The following CD101 variants were observed in gnomAD, a reference collection of about 807,000 sequenced individuals.
The protein encoded by CD101 is CD101 molecule.
A neutral mutation model predicts 98.2 loss-of-function variants in CD101; 76 were observed. The ratio of observed to expected loss-of-function variants is 0.77; its 90% CI spans 0.64 to 0.94. The LOEUF is 0.94. Ranked by LOEUF, CD101 falls within the 40% of genes least tolerant of loss-of-function variation. The pLI, the probability that CD101 is intolerant of heterozygous loss-of-function variation, is 0.00. For synonymous variants in CD101, 471 were observed against 472.7 expected (o/e 1.00, Z 0.05); for missense variants, 1,145 against 1,218.8 (o/e 0.94, Z 0.90).
intron 6 of CD101, among the ~76,000 whole-genome samples, chr1:117,020,198 A>T (rs1408963743): frequency 6.6e-6 from 1 of 152,106 alleles, no homozygotes; most frequent in Non-Finnish European, 1.5e-5. Context: ...CTGTGTGCTC[A>T]GATAGGCACT....
intron 8 of CD101, among the ~76,000 whole-genome samples, chr1:117,028,767 G>A (rs1287113123): frequency 1.3e-5 from 2 of 152,124 alleles, no homozygotes; most frequent in Non-Finnish European, 2.9e-5. Context: ...TAAGATAACA[G>A]TGGGAAAGTA....
rs1654588386 is a variant in CD101 at position 117,033,416 on chromosome 1, G to T, written c.2825-444G>T. Among the ~76,000 whole-genome samples, 1 of 152,154 alleles carries T rather than the reference G, an allele frequency of 6.6e-6. No individual in the cohort carries two copies. The highest frequency in any genetic ancestry group is 2.4e-5 in the African/African-American group (1 of 41,428). Reference sequence around the variant, plus strand: ...GCAGAGTGCAGGGCAGAGTGTGTGTGTATGTGTGTGTGAGAAAGAGTGTGT... The same window carrying T: ...GCAGAGTGCAGGGCAGAGTGTGTGTTTATGTGTGTGTGAGAAAGAGTGTGT... On this transcript the variant is annotated intron_variant, in intron 8 of 9. Transcript: ENST00000682167. The surrounding 1 kb of genome is among the most constrained non-coding windows in gnomAD (Gnocchi z 4.8).
rs1557774389 is a variant in CD101 at position 117,022,086 on chromosome 1, C to T, written c.2428+103C>T. 1.2e-5 allele frequency: 16 copies of T among 1,280,732 alleles called. No homozygotes were observed. The highest frequency in any genetic ancestry group is 1.9e-4 in the Middle Eastern group (1 of 5,164). 79.3% of individuals were successfully genotyped at this position (1,280,732 alleles called of 1,614,324 possible). A position where few individuals can be genotyped will look rare whatever the true frequency, so the allele number is the denominator to read the frequency against. On this transcript the variant is annotated intron_variant, in intron 7 of 9. Coordinates refer to ENST00000682167, the MANE Select transcript of CD101 (RefSeq NM_001256106.3). The surrounding 1 kb of genome is among the most constrained non-coding windows in gnomAD (Gnocchi z 4.8). ...GATTATGTGGAAGTAAAAATATGACCTAAAGTCATAGGAACAGTATCTACC... is the reference window on the plus strand; with the variant it reads ...GATTATGTGGAAGTAAAAATATGACTTAAAGTCATAGGAACAGTATCTACC...
At position 117,017,173 on chromosome 1, in the gene CD101, G is replaced by A. The variant is rs773613431; in HGVS notation, c.1312G>A (p.Gly438Arg). 3.1e-6 allele frequency: 5 copies of A among 1,614,248 alleles called. No homozygotes were observed. The Admixed American group carries it at 6.7e-5, about 22-fold the overall frequency. ...ETLAFLCKAG[G>R]AESPLSVSWW... ...ACTCGCCTTTCTCTGTAAGGCTGGT[G>A]GAGCTGAAAGTCCCCTGTCTGTGAG... The change falls in exon 5 of 10, where the codon GGA becomes AGA. Residue 438 changes from glycine to arginine, a missense_variant. Transcript: ENST00000682167.
In CD101 at chr1:117,027,746, G is replaced by C. The variant is rs1654034326; in HGVS notation, c.2824+1842G>C. On this transcript the variant is annotated intron_variant, in intron 8 of 9. Transcript: ENST00000682167. ...GTGTCATTGAAAAAGTTTAAGCAGG[G>C]GAGTGACATGATCAGATTTTCCTTT... Among the ~76,000 whole-genome samples, 4 of 152,118 alleles carry C rather than the reference G, an allele frequency of 2.6e-5. 1 individual carries two copies. Among genetic ancestry groups the C allele is most frequent in the African/African-American group, 4.8e-5 (2 of 41,406 alleles).
chr1:117,009,811 A>T lies in CD101; in HGVS notation c.44-39A>T, dbSNP rs748419971. On this transcript the variant is annotated intron_variant, in intron 1 of 9. Coordinates refer to ENST00000682167, the MANE Select transcript of CD101 (RefSeq NM_001256106.3). ...GTGGTACACTGGGAACTGGAACACT[A>T]ATCTCTTTTTATTCCCCTTTCTTTC... The T allele has an allele frequency of 3.2e-6, 5 of 1,552,072 alleles. No individual in the cohort carries two copies. In the East Asian group the frequency reaches 1.1e-4, roughly 35 times the overall value.
intron 8 of CD101, chr1:117,032,179 A>G (rs557949590): frequency 1.1e-4 from 17 of 152,388 alleles, no homozygotes; most frequent in African/African-American, 4.1e-4. Flanking sequence ...AATCCAGGCC[A>G]TGAACCTCTG....
In CD101 at chr1:117,004,658, T is replaced by C. The variant is rs144530370; in HGVS notation, c.43+2798T>C. Among the ~76,000 whole-genome samples the C allele has an allele frequency of 2.0e-3, 300 of 152,266 alleles. No homozygotes were observed. The highest frequency in any genetic ancestry group is 6.8e-3 in the Middle Eastern group (2 of 294). On this transcript the variant is annotated intron_variant, in intron 1 of 9. Transcript: ENST00000682167. The surrounding 1 kb of genome is among the most constrained non-coding windows in gnomAD (Gnocchi z 4.1). ...GGTGTTTTTCGGAGGGTGGATGATA[T>C]GTACTTGAAAAAACCCAGAGAGAAT...
chr1:117,029,321 G>T (rs745801932), intron 8 of CD101, among the ~76,000 whole-genome samples: 1 of 152,112 alleles, frequency 6.6e-6, no homozygotes, highest in Non-Finnish European at 1.5e-5. Context: ...AAAGAAGAAA[G>T]AAAGAAAGAA....
At chr1:117,035,116 CT>C (rs1233838539) in intron 9 of CD101, among the ~76,000 whole-genome samples, 2 of 152,124 alleles carry the variant, frequency 1.3e-5, no homozygotes, top group Non-Finnish European at 2.9e-5. Flanking sequence ...TGGCTTAAAG[CT>C]TTCAACAGCT....
chr1:117,003,942 A>T (rs75378515), intron 1 of CD101, among the ~76,000 whole-genome samples: 10,770 of 152,308 alleles, frequency 0.071, 430 homozygotes, highest in Non-Finnish European at 0.084. Context: ...CGATCTATTG[A>T]TCAATTACAT....
At chr1:117,009,422 C>T (rs1652742157) in intron 1 of CD101, among the ~76,000 whole-genome samples, 1 of 152,256 alleles carries the variant, frequency 6.6e-6, no homozygotes, top group South Asian at 2.1e-4. Flanking sequence ...CTAGACTTTG[C>T]GTCTCCAGCA....
intron 8 of CD101, among the ~76,000 whole-genome samples, chr1:117,029,272 AGAG>A (rs938934971): frequency 5.5e-5 from 8 of 145,298 alleles, no homozygotes; most frequent in Admixed American, 4.8e-4. Context: ...AAAGAAAGAA[AGAG>A]TAGATACGGT....
chr1:117,013,773 G>T lies in CD101; in HGVS notation c.1209G>T (p.Val403=), dbSNP rs373774528. ...LQRKQSPDSH[V]HLRKPAARSV... ...GAAAGCAGTCACCAGACAGCCACGT[G>T]CACCTGAGGAAGCCAGCAGGTACGT... Residue 403 remains valine (V), a synonymous_variant, in exon 4 of 10, where the codon GTG becomes GTT. Transcript: ENST00000682167. 4 of 1,611,882 alleles carry T rather than the reference G, an allele frequency of 2.5e-6. No individual in the cohort carries two copies. In the African/African-American group the frequency reaches 5.3e-5, roughly 22 times the overall value.
intron 8 of CD101, among the ~76,000 whole-genome samples, chr1:117,031,651 GC>G (rs1246027283): frequency 6.6e-6 from 1 of 152,146 alleles, no homozygotes; most frequent in Non-Finnish European, 1.5e-5. Context: ...TTTCTCAGTA[GC>G]ATTCTAGCTA....
intron 1 of CD101, 118 bp downstream of exon 1, chr1:117,001,978 T>G: frequency 1.1e-6 from 1 of 931,280 alleles, no homozygotes; most frequent in East Asian, 2.6e-5. Context: ...ATATTTCTGA[T>G]GTTAGCAATA....
At chr1:117,024,472 G>A (rs758386678) in intron 7 of CD101, among the ~76,000 whole-genome samples, 8 of 147,706 alleles carry the variant, frequency 5.4e-5, no homozygotes, top group South Asian at 2.2e-4. Context: ...GCGAGACTCC[G>A]TCTCAAAAAA....
intron 7 of CD101, among the ~76,000 whole-genome samples, chr1:117,024,999 G>A (rs933198522): frequency 6.6e-6 from 1 of 152,194 alleles, no homozygotes; most frequent in African/African-American, 2.4e-5. Context: ...GAAGGAAAGA[G>A]GCTGGTTTGA....
chr1:117,013,310 C>T, intron 3 of CD101, 96 bp from the exon 4 acceptor site: 1 of 1,369,760 alleles, frequency 7.3e-7, no homozygotes, highest in South Asian at 1.5e-5. Context: ...AAATGTGATC[C>T]CTGTGACATC....
Sources: gnomAD v4.1 joint callset for allele counts (sites outside exome capture counted in the v4.1 genomes callset) on GRCh38, gnomAD v4.1.1 for gene constraint, Gnocchi (gnomAD v3.1) non-coding constraint, MANE v1.5 for transcripts, NCBI Gene and HGNC (gene_info 2026-07-23, HGNC 2026-07-21) for gene names.